Variants in PTPRJ observed in about 807,000 individuals in gnomAD.
The protein encoded by PTPRJ is protein tyrosine phosphatase receptor type J.
Under a neutral mutation model 141.3 loss-of-function variants are expected in PTPRJ, and 129 were observed. The observed-to-expected ratio is 0.91, with a 90% confidence interval of 0.79 to 1.06. PTPRJ has a LOEUF of 1.06. PTPRJ is among the 50% of genes least tolerant of loss of function. The pLI is 0.00. For synonymous variants in PTPRJ, 610 were observed against 640.5 expected (o/e 0.95, Z 0.72); for missense variants, 1,601 against 1,679.7 (o/e 0.95, Z 0.82).
At chr11:48,029,008 T>C (rs998240622) in intron 1 of PTPRJ, among the ~76,000 whole-genome samples, 13 of 152,212 alleles carry the variant, frequency 8.5e-5, no homozygotes, top group Non-Finnish European at 1.5e-5. Context: ...TTTCTGGTAG[T>C]ATGTGCTGTG....
At chr11:48,137,392 G>A in intron 10 of PTPRJ, 111 bp downstream of exon 10, 1 of 1,211,954 alleles carries the variant, frequency 8.3e-7, no homozygotes, top group South Asian at 1.5e-5. Flanking sequence ...TGCAGTGATG[G>A]ACATTGAGCT....
In PTPRJ at chr11:48,081,095, G is replaced by A. The variant is rs115945182; in HGVS notation, c.97-28963G>A. On this transcript the variant is annotated intron_variant, in intron 1 of 24. Transcript: ENST00000418331. ...TGGGACCCCAGAATCTGAATTTCCC[G>A]GAAGCGCCCAGGTGTTTCTGATGCG... Among the ~76,000 whole-genome samples, 1,167 of 152,340 alleles carry A rather than the reference G, an allele frequency of 7.7e-3. 16 individuals carry two copies. The highest frequency in any genetic ancestry group is 0.026 in the African/African-American group (1,088 of 41,578).
intron 1 of PTPRJ, among the ~76,000 whole-genome samples, chr11:48,096,278 T>G (rs1411535620): frequency 6.6e-6 from 1 of 151,884 alleles, no homozygotes. Context: ...GCGCTGGGGG[T>G]GGGGCAGAGG....
intron 24 of PTPRJ, among the ~76,000 whole-genome samples, chr11:48,165,663 G>A (rs1014136779): frequency 1.3e-5 from 2 of 152,180 alleles, no homozygotes; most frequent in African/African-American, 4.8e-5. Context: ...TGTGGAAAGA[G>A]TGAAATTCAA....
At chr11:48,164,023 A>C (rs1857851090) in intron 23 of PTPRJ, among the ~76,000 whole-genome samples, 1 of 152,228 alleles carries the variant, frequency 6.6e-6, no homozygotes, top group Non-Finnish European at 1.5e-5. Flanking sequence ...AGCTAAAGGA[A>C]TTAATTTAGG....
At chr11:47,989,696 T>C (rs1854141832) in intron 1 of PTPRJ, among the ~76,000 whole-genome samples, 1 of 152,134 alleles carries the variant, frequency 6.6e-6, no homozygotes, top group Non-Finnish European at 1.5e-5. Context: ...TGGAAATTAG[T>C]CCTTCGATTG....
rs1385732952 is a variant in PTPRJ, at chr11:48,123,680, C to A, written c.684C>A (p.Ser228Arg). 5.0e-6 allele frequency: 8 copies of A among 1,614,020 alleles called. No individual in the cohort carries two copies. Among genetic ancestry groups the A allele is most frequent in the Non-Finnish European group, 6.8e-6 (8 of 1,180,004 alleles). ...TGVRKAALSWSNGNGTASCRV... is the reference protein window; with the variant it reads ...TGVRKAALSWRNGNGTASCRV... ...TGAGGAAGGCTGCTCTCTCCTGGAG[C>A]AATGGCAATGGCACTGCCTCCTGCC... is the stretch of plus-strand genomic sequence containing the variant. Residue 228 changes from serine (S) to arginine (R), a missense_variant, in exon 5 of 25, where the codon AGC (serine) becomes AGA (arginine). Ser to Arg is a moderately radical substitution (Grantham distance 110). Coordinates refer to ENST00000418331, the MANE Select transcript of PTPRJ (RefSeq NM_002843.4).
intron 1 of PTPRJ, among the ~76,000 whole-genome samples, chr11:48,000,106 G>A (rs1289346807): frequency 2.2e-4 from 33 of 149,150 alleles, no homozygotes; most frequent in Admixed American, 4.0e-4. Flanking sequence ...TGATCTGCCT[G>A]CCTTGGCCTC....
At chr11:47,988,005 T>C (rs185732062) in intron 1 of PTPRJ, among the ~76,000 whole-genome samples, 1 of 152,386 alleles carries the variant, frequency 6.6e-6, no homozygotes, top group Non-Finnish European at 1.5e-5. Flanking sequence ...TTGCCATTTC[T>C]GAAACTTGGG....
At chr11:48,110,339 TG>T (rs1856407423) in intron 2 of PTPRJ, among the ~76,000 whole-genome samples, 1 of 152,162 alleles carries the variant, frequency 6.6e-6, no homozygotes, top group South Asian at 2.1e-4. Flanking sequence ...AGCAAGTAGC[TG>T]GGATTACAGG....
intron 1 of PTPRJ, among the ~76,000 whole-genome samples, chr11:48,002,995 T>C (rs1360117344): frequency 1.3e-5 from 2 of 152,170 alleles, no homozygotes; most frequent in Non-Finnish European, 1.5e-5. Context: ...AAAACTATTA[T>C]AATTTCAAAA....
At chr11:48,098,270 C>T (rs1193427924) in intron 1 of PTPRJ, among the ~76,000 whole-genome samples, 5 of 152,336 alleles carry the variant, frequency 3.3e-5, no homozygotes, top group Admixed American at 6.5e-5. Context: ...GGGAAGGCCA[C>T]GAGCTAGGCT....
intron 1 of PTPRJ, among the ~76,000 whole-genome samples, chr11:47,988,460 C>T (rs1042986539): frequency 2.6e-5 from 4 of 152,056 alleles, no homozygotes; most frequent in African/African-American, 9.7e-5. Context: ...ATCCACCCAC[C>T]TCGGCCTCCC....
At chr11:48,011,771 C>T (rs995440101) in intron 1 of PTPRJ, among the ~76,000 whole-genome samples, 38 of 152,148 alleles carry the variant, frequency 2.5e-4, no homozygotes, top group African/African-American at 8.2e-4. Context: ...AAGTGATCCT[C>T]CCACCTCAGC....
Position 48,145,121 on chromosome 11 carries a change from C to T in PTPRJ, c.2908C>T (p.Pro970Ser), listed in dbSNP as rs1424855955. Residue 970 changes from proline (P) to serine (S), a missense_variant, in exon 14 of 25, where the codon CCA becomes TCA. Coordinates refer to ENST00000418331, the MANE Select transcript of PTPRJ (RefSeq NM_002843.4). ...YSDAVSLPQD[P>S]GVICGAVFGC... Reference sequence around the variant, plus strand: ...AGATGCTGTTTCCTTGCCCCAGGATCCAGGTAGGGAGAAGACAACAGTCCT... The same window carrying T: ...AGATGCTGTTTCCTTGCCCCAGGATTCAGGTAGGGAGAAGACAACAGTCCT... The T allele has an allele frequency of 6.2e-7, 1 of 1,613,892 alleles. No individual in the cohort carries two copies. Among genetic ancestry groups the T allele is most frequent in the Non-Finnish European group, 8.5e-7 (1 of 1,179,998 alleles).
At chr11:48,125,908 TG>T (rs1856817723) in intron 6 of PTPRJ, among the ~76,000 whole-genome samples, 1 of 151,912 alleles carries the variant, frequency 6.6e-6, no homozygotes, top group Non-Finnish European at 1.5e-5. Flanking sequence ...TGGGAGTGGG[TG>T]GGGAGGATGC....
At chr11:48,001,850 C>T (rs1854508652) in intron 1 of PTPRJ, among the ~76,000 whole-genome samples, 1 of 152,184 alleles carries the variant, frequency 6.6e-6, no homozygotes, top group Non-Finnish European at 1.5e-5. Flanking sequence ...GGCCCCGGAA[C>T]AGGTAGTGGT....
At chr11:48,161,752 A>G (rs150842479) in intron 22 of PTPRJ, among the ~76,000 whole-genome samples, 5,115 of 152,216 alleles carry the variant, frequency 0.034, 131 homozygotes, top group Non-Finnish European at 0.051. Flanking sequence ...AGCTGGGACT[A>G]CAGGCACCTG....
intron 1 of PTPRJ, among the ~76,000 whole-genome samples, chr11:47,994,070 A>G (rs1590388803): frequency 6.6e-6 from 1 of 151,606 alleles, no homozygotes; most frequent in East Asian, 1.9e-4. Context: ...CATGTTTTCC[A>G]GGCTGGTCGT....
Sources: allele counts gnomAD v4.1 joint callset (sites outside exome capture counted in the v4.1 genomes callset), GRCh38; gene constraint gnomAD v4.1.1; transcripts MANE v1.5; gene names NCBI Gene and HGNC (gene_info 2026-07-23, HGNC 2026-07-21).